UHMK1: variants seen among roughly 807,000 people sequenced by gnomAD.
The protein encoded by UHMK1 is serine/threonine-protein kinase Kist.
A neutral mutation model predicts 44.0 loss-of-function variants in UHMK1; 18 were observed. The observed-to-expected ratio is 0.41, with a 90% CI of 0.28 to 0.61. UHMK1 has a LOEUF of 0.61. Among genes scored for constraint, UHMK1 ranks in the 20% least tolerant of loss-of-function variants. The pLI, the probability that UHMK1 is intolerant of heterozygous loss-of-function variation, is 0.31. For synonymous variants in UHMK1, 231 were observed against 198.5 expected (o/e 1.16, Z -1.38); for missense variants, 463 against 522.5 (o/e 0.89, Z 1.11).
Position 162,528,149 on chromosome 1 carries a change from G to A in UHMK1, c.*5599G>A, listed in dbSNP as rs1169094835. The A allele has an allele frequency of 2.0e-5, 3 of 151,748 alleles. No individual in the cohort carries two copies. The highest frequency in any genetic ancestry group is 4.4e-5 in the Non-Finnish European group (3 of 67,886). The allele number at this position is 151,748 out of a possible 1,614,324, so 9.4% of individuals were successfully genotyped here. A position where few individuals can be genotyped will look rare whatever the true frequency, so the allele number is the denominator to read the frequency against. ...AGGTATTCAAAAATCCTGCATATAT[G>A]GACTCAAAAGTTCTTTAGTTATTTG... is the stretch of plus-strand genomic sequence containing the variant. On this transcript the variant is annotated 3_prime_UTR_variant, in exon 8 of 8. Coordinates refer to ENST00000489294, the MANE Select transcript of UHMK1 (RefSeq NM_175866.5).
intron 2 of UHMK1, chr1:162,500,661 T>C (rs997083117): frequency 2.1e-6 from 1 of 467,224 alleles, no homozygotes. Context: ...GTCCTTATTA[T>C]CAGCAGTGCC....
At position 162,498,329 on chromosome 1, in the gene UHMK1, C is replaced by T. The variant is rs1651140784; in HGVS notation, c.268+61C>T. Reference sequence around the variant, plus strand: ...GTCACAGTCCGAGCACACTCTTCCTCTCGCTGTCTGGCGTTCCATCTTCCT... The same window carrying T: ...GTCACAGTCCGAGCACACTCTTCCTTTCGCTGTCTGGCGTTCCATCTTCCT... On this transcript the variant is annotated intron_variant, in intron 1 of 7. Transcript: ENST00000489294. 7.9e-6 allele frequency: 12 copies of T among 1,510,286 alleles called. No individual in the cohort carries two copies. In the South Asian group the frequency reaches 1.3e-4, roughly 17 times the overall value. 93.6% of individuals were successfully genotyped at this position (1,510,286 alleles called of 1,614,324 possible).
chr1:162,519,974 C>A (rs771477999), intron 7 of UHMK1, among the ~76,000 whole-genome samples: 1 of 152,232 alleles, frequency 6.6e-6, no homozygotes, highest in African/African-American at 2.4e-5. Flanking sequence ...TCTCAGCTCT[C>A]TGCAACCTCT....
At chr1:162,510,398 C>G (rs1336702903) in intron 4 of UHMK1, among the ~76,000 whole-genome samples, 1 of 152,188 alleles carries the variant, frequency 6.6e-6, no homozygotes, top group Non-Finnish European at 1.5e-5. Context: ...CCCACCCAGC[C>G]TCTGGTAACA....
At chr1:162,517,810 G>A (rs956222268) in intron 6 of UHMK1, among the ~76,000 whole-genome samples, 11 of 152,128 alleles carry the variant, frequency 7.2e-5, no homozygotes, top group Middle Eastern at 3.4e-3. Context: ...GCTTGAACCC[G>A]AGAGGCGGAG....
At chr1:162,499,868 C>A in intron 1 of UHMK1, 87 bp from the exon 2 acceptor site, 1 of 1,260,180 alleles carries the variant, frequency 7.9e-7, no homozygotes. Flanking sequence ...CTTATCTAGA[C>A]TATCTCAAAT....
chr1:162,521,016 G>C (rs988755071), intron 7 of UHMK1, among the ~76,000 whole-genome samples: 3 of 152,158 alleles, frequency 2.0e-5, no homozygotes, highest in Admixed American at 6.5e-5. Context: ...ACATTTAAAG[G>C]AGAGTGAAAG....
chr1:162,500,932 C>T lies in UHMK1; in HGVS notation c.581C>T (p.Thr194Ile). Residue 194 changes from threonine to isoleucine, a missense_variant, in exon 3 of 8, where the codon ACA becomes ATA. This residue lies in a region of UHMK1 where 264 missense variants were observed against 326.3 expected (regional missense o/e 0.81). Transcript: ENST00000489294. ...TTTTAGGATGTAAAGTATATTCAGA[C>T]AGACGGGTATCGGGCTCCAGAAGCA... ...EGNQDVKYIQ[T>I]DGYRAPEAEL... The T allele has an allele frequency of 6.2e-7, 1 of 1,613,800 alleles. No homozygotes were observed. Among genetic ancestry groups the T allele is most frequent in the Non-Finnish European group, 8.5e-7 (1 of 1,179,924 alleles).
chr1:162,503,337 C>T lies in UHMK1; in HGVS notation c.754-417C>T, dbSNP rs190070881. Among the ~76,000 whole-genome samples the T allele has an allele frequency of 4.6e-5, 7 of 152,034 alleles. No individual in the cohort carries two copies. The East Asian group carries it at 5.8e-4, about 13-fold the overall frequency. On this transcript the variant is annotated intron_variant, in intron 3 of 7. Transcript: ENST00000489294. ...TAAGATTGTAGGCTCTTGCTGGGCA[C>T]GATGGCTCACAGTTATAGTCCCAGC...
intron 3 of UHMK1, among the ~76,000 whole-genome samples, chr1:162,501,807 G>A (rs936819333): frequency 6.6e-6 from 1 of 151,770 alleles, no homozygotes; most frequent in Non-Finnish European, 1.5e-5. Context: ...AAATATTTTT[G>A]CTGGGCATGG....
intron 3 of UHMK1, among the ~76,000 whole-genome samples, chr1:162,503,424 A>T (rs966148806): frequency 6.6e-6 from 1 of 152,096 alleles, no homozygotes; most frequent in Non-Finnish European, 1.5e-5. Flanking sequence ...AGCCTGGGTA[A>T]CATAGTGAAA....
chr1:162,519,727 A>C (rs1368198440), intron 7 of UHMK1, among the ~76,000 whole-genome samples: 1 of 152,148 alleles, frequency 6.6e-6, no homozygotes, highest in Non-Finnish European at 1.5e-5. Flanking sequence ...CTCATTCTTG[A>C]CACTATTGAC....
chr1:162,500,712 C>A (rs148306890), intron 2 of UHMK1: 1 of 545,808 alleles, frequency 1.8e-6, no homozygotes, highest in Non-Finnish European at 3.2e-6. Flanking sequence ...TCTTTATGAG[C>A]GCTATATGGA....
intron 3 of UHMK1, 105 bp downstream of exon 3, chr1:162,501,209 AC>A: frequency 8.3e-7 from 1 of 1,205,458 alleles, no homozygotes; most frequent in Non-Finnish European, 1.1e-6. Context: ...TCACTCTTTC[AC>A]CCAGGCTGGA....
chr1:162,526,817 A>G lies in UHMK1; in HGVS notation c.*4267A>G, dbSNP rs2101690865. ...CTGGCAGAATTTAATTCTTCCTTGGATCTCTAGTTCTGTTTTTAATATCAG... is the reference window on the plus strand; with the variant it reads ...CTGGCAGAATTTAATTCTTCCTTGGGTCTCTAGTTCTGTTTTTAATATCAG... On this transcript the variant is annotated 3_prime_UTR_variant, in exon 8 of 8. Coordinates refer to ENST00000489294, the MANE Select transcript of UHMK1 (RefSeq NM_175866.5). The G allele has an allele frequency of 6.6e-6, 1 of 152,062 alleles. No homozygotes were observed. Among genetic ancestry groups the G allele is most frequent in the East Asian group, 1.9e-4 (1 of 5,172 alleles). 9.4% of individuals were successfully genotyped at this position (152,062 alleles called of 1,614,324 possible).
chr1:162,497,272 G>C (rs1272796010), upstream of UHMK1: 1 of 702,732 alleles, frequency 1.4e-6, no homozygotes, highest in East Asian at 2.7e-5. Context: ...CAGACCGAAG[G>C]TCTGTGTTGA....
At chr1:162,514,456 A>G (rs1053782343) in intron 6 of UHMK1, among the ~76,000 whole-genome samples, 3 of 152,198 alleles carry the variant, frequency 2.0e-5, no homozygotes, top group African/African-American at 7.2e-5. Flanking sequence ...ATAATGTATA[A>G]ACATTTCCTA....
At chr1:162,516,601 C>T (rs1172045053) in intron 6 of UHMK1, among the ~76,000 whole-genome samples, 2 of 151,924 alleles carry the variant, frequency 1.3e-5, no homozygotes, top group African/African-American at 2.4e-5. Context: ...GTATAATAAG[C>T]ATTGAACAAA....
chr1:162,520,153 C>G (rs978942060), intron 7 of UHMK1, among the ~76,000 whole-genome samples: 2 of 152,212 alleles, frequency 1.3e-5, no homozygotes, highest in African/African-American at 4.8e-5. Context: ...TTCAGTCTCC[C>G]TAAGTGCTGG....
Sources: gnomAD v4.1 joint callset for allele counts (sites outside exome capture counted in the v4.1 genomes callset) on GRCh38, gnomAD v4.1.1 for gene constraint, gnomAD v4.1.1 regional missense constraint, MANE v1.5 for transcripts, NCBI Gene and HGNC (gene_info 2026-07-23, HGNC 2026-07-21) for gene names.